Variants in SLC24A2 observed in about 807,000 individuals in gnomAD.
SLC24A2 encodes sodium/potassium/calcium exchanger 2.
SLC24A2 carries 36 observed loss-of-function variants against 62.0 expected under a neutral mutation model. The ratio of observed to expected loss-of-function variants is 0.58; its 90% CI spans 0.44 to 0.77. SLC24A2 has a LOEUF of 0.77. Ranked by LOEUF, SLC24A2 falls within the 30% of genes least tolerant of loss-of-function variation. SLC24A2 has a pLI of 0.00. For synonymous variants in SLC24A2, 358 were observed against 294.0 expected (o/e 1.22, Z -2.23); for missense variants, 846 against 817.9 (o/e 1.03, Z -0.42).
At chr9:19,672,274 G>C (rs1564029076) in intron 2 of SLC24A2, among the ~76,000 whole-genome samples, 1 of 146,326 alleles carries the variant, frequency 6.8e-6, no homozygotes, top group Non-Finnish European at 1.5e-5. Context: ...ATCTAGGAGG[G>C]TTGTATATTT....
chr9:20,039,409 C>T, the SLC24A2 span, among the ~76,000 whole-genome samples: 3 of 152,018 alleles, frequency 2.0e-5, no homozygotes, highest in African/African-American at 7.3e-5. Flanking sequence ...GAGGGAAACC[C>T]AGTCCAGGGC....
At chr9:19,671,112 C>G (rs77861362) in intron 2 of SLC24A2, among the ~76,000 whole-genome samples, 6 of 92,896 alleles carry the variant, frequency 6.5e-5, no homozygotes, top group Non-Finnish European at 1.6e-4. Context: ...GGATGGAAAT[C>G]GCGTTGAATT....
the SLC24A2 span, among the ~76,000 whole-genome samples, chr9:20,073,889 TAC>T: frequency 8.5e-3 from 502 of 58,894 alleles, 8 homozygotes; most frequent in East Asian, 0.086. Context: ...TATATATATA[TAC>T]ACACATATAT....
chr9:19,525,314 G>A (rs1437208839), intron 9 of SLC24A2, among the ~76,000 whole-genome samples: 1 of 146,390 alleles, frequency 6.8e-6, no homozygotes, highest in East Asian at 2.0e-4. Context: ...ACCAAGGTAT[G>A]CTTTACATAG....
At chr9:19,780,360 C>T (rs1168425082) in intron 2 of SLC24A2, among the ~76,000 whole-genome samples, 4 of 151,004 alleles carry the variant, frequency 2.6e-5, no homozygotes, top group East Asian at 4.1e-4. Context: ...CTCTGAAGCC[C>T]GGGTTCAAGC....
chr9:19,562,263 TC>T (rs1835442321), intron 7 of SLC24A2, among the ~76,000 whole-genome samples: 1 of 152,194 alleles, frequency 6.6e-6, no homozygotes, highest in Admixed American at 6.5e-5. Flanking sequence ...AATCATTTCA[TC>T]TTATCAACTG....
At chr9:20,109,190 AC>A in the SLC24A2 span, among the ~76,000 whole-genome samples, 58 of 152,272 alleles carry the variant, frequency 3.8e-4, 2 homozygotes, top group South Asian at 0.011. Context: ...ACAGACAATG[AC>A]AAAAAAGTCC....
the SLC24A2 span, among the ~76,000 whole-genome samples, chr9:20,156,987 A>G: frequency 6.6e-6 from 1 of 151,766 alleles, no homozygotes. Context: ...TGGTTCTAAG[A>G]CTAGAACGTT....
the SLC24A2 span, among the ~76,000 whole-genome samples, chr9:20,043,797 T>C: frequency 6.6e-6 from 1 of 152,182 alleles, no homozygotes; most frequent in East Asian, 1.9e-4. Flanking sequence ...AGTTGCTGTG[T>C]TGAAATGATG....
At chr9:20,043,156 C>T in the SLC24A2 span, among the ~76,000 whole-genome samples, 9,333 of 152,152 alleles carry the variant, frequency 0.061, 402 homozygotes, top group African/African-American at 0.12. Flanking sequence ...TGAGACACGC[C>T]AAAAGCTAGG....
the SLC24A2 span, among the ~76,000 whole-genome samples, chr9:20,078,764 A>T: frequency 2.0e-5 from 3 of 152,166 alleles, no homozygotes; most frequent in Non-Finnish European, 4.4e-5. Flanking sequence ...TCTTTCCTCC[A>T]AAAGAATGCC....
At chr9:19,558,800 A>AT (rs1835239977) in intron 7 of SLC24A2, among the ~76,000 whole-genome samples, 1 of 152,184 alleles carries the variant, frequency 6.6e-6, no homozygotes, top group African/African-American at 2.4e-5. Flanking sequence ...AGCATTGAAA[A>AT]TACTCTCACT....
At chr9:19,585,336 A>C (rs1836342088) in intron 5 of SLC24A2, among the ~76,000 whole-genome samples, 1 of 152,138 alleles carries the variant, frequency 6.6e-6, no homozygotes, top group Non-Finnish European at 1.5e-5. Flanking sequence ...GACCACTGGG[A>C]TATTTTTCAG....
the SLC24A2 span, among the ~76,000 whole-genome samples, chr9:20,282,025 A>G: frequency 6.6e-6 from 1 of 152,174 alleles, no homozygotes; most frequent in Non-Finnish European, 1.5e-5. Flanking sequence ...GATTTTAAGG[A>G]GATGGAACAT....
At chr9:19,827,770 T>C in the SLC24A2 span, among the ~76,000 whole-genome samples, 1 of 152,204 alleles carries the variant, frequency 6.6e-6, no homozygotes, top group African/African-American at 2.4e-5. Context: ...ACACCTTTTC[T>C]GCTTATTAGC....
the SLC24A2 span, among the ~76,000 whole-genome samples, chr9:20,129,726 C>G: frequency 1.3e-5 from 2 of 151,916 alleles, no homozygotes; most frequent in African/African-American, 4.8e-5. Flanking sequence ...CCAAAATAGG[C>G]AAATCCATGG....
intron 2 of SLC24A2, among the ~76,000 whole-genome samples, chr9:19,696,324 T>C (rs2118498065): frequency 6.6e-6 from 1 of 152,292 alleles, no homozygotes; most frequent in East Asian, 1.9e-4. Context: ...GGATTCATAC[T>C]CGTCTACCAA....
the SLC24A2 span, among the ~76,000 whole-genome samples, chr9:20,154,442 C>G: frequency 6.6e-6 from 1 of 151,662 alleles, no homozygotes; most frequent in East Asian, 1.9e-4. Flanking sequence ...CTAGAAATGG[C>G]TAAACGGTTT....
chr9:20,190,373 A>G, the SLC24A2 span, among the ~76,000 whole-genome samples: 2 of 152,180 alleles, frequency 1.3e-5, 1 homozygote, highest in South Asian at 4.1e-4. Flanking sequence ...AATAAAGGTG[A>G]AACTTCAGAT....
Sources: gnomAD v4.1 joint callset for allele counts (sites outside exome capture counted in the v4.1 genomes callset) on GRCh38, gnomAD v4.1.1 for gene constraint, MANE v1.5 for transcripts, NCBI Gene and HGNC (gene_info 2026-07-23, HGNC 2026-07-21) for gene names.